CNOT1: variants seen among roughly 807,000 people sequenced by gnomAD.
CNOT1 encodes CCR4-associated factor 1.
Under a neutral mutation model 273.8 loss-of-function variants are expected in CNOT1, and 15 were observed. That is an observed-to-expected ratio of 0.05 (90% CI 0.04 to 0.08). The LOEUF (loss-of-function observed/expected upper bound fraction) is 0.08, where lower values mean the gene tolerates loss of function less well. Ranked by LOEUF, CNOT1 falls within the 10% of genes least tolerant of loss-of-function variation. The pLI is 1.00. For synonymous variants in CNOT1, 1,022 were observed against 1,005.5 expected (o/e 1.02, Z -0.31); for missense variants, 1,644 against 2,912.2 (o/e 0.56, Z 10.02).
At position 58,520,070 on chromosome 16, in the gene CNOT1, T is replaced by G. The variant is rs2039311592; in HGVS notation, c.*888A>C. ...AGGGACCAATACATTTGCAAAACAT[T>G]CAAAATCCTTATAAAAGGGGCTGTA... On this transcript the variant is annotated 3_prime_UTR_variant, in exon 49 of 49. Transcript: ENST00000317147. 1 of 152,202 alleles carries G rather than the reference T, an allele frequency of 6.6e-6. No individual in the cohort carries two copies. Among genetic ancestry groups the G allele is most frequent in the South Asian group, 2.1e-4 (1 of 4,828 alleles). The allele number at this position is 152,202 out of a possible 1,614,324, so 9.4% of individuals were successfully genotyped here.
chr16:58,560,500 T>A, intron 16 of CNOT1, 138 bp from the exon 17 acceptor site: 1 of 1,403,082 alleles, frequency 7.1e-7, no homozygotes, highest in Admixed American at 2.9e-5. Flanking sequence ...TAGCACGATA[T>A]CAATTCACTG....
At chr16:58,624,658 C>T (rs1180948285) in intron 1 of CNOT1, 4 of 151,964 alleles carry the variant, frequency 2.6e-5, no homozygotes, top group Non-Finnish European at 5.9e-5. Flanking sequence ...ATTACCCAGC[C>T]GTGGTGGCAC....
At chr16:58,622,088 G>C (rs1444034459) in intron 1 of CNOT1, among the ~76,000 whole-genome samples, 2 of 142,252 alleles carry the variant, frequency 1.4e-5, no homozygotes, top group African/African-American at 2.6e-5. Flanking sequence ...CGAGGCGGGT[G>C]GATCACGAGG....
chr16:58,531,614 C>CA (rs891875577), intron 42 of CNOT1, among the ~76,000 whole-genome samples: 1 of 151,748 alleles, frequency 6.6e-6, no homozygotes, highest in Non-Finnish European at 1.5e-5. Context: ...CCCCTACCCC[C>CA]AAAAAAACCC....
At chr16:58,593,141 G>A (rs1017259552) in intron 2 of CNOT1, among the ~76,000 whole-genome samples, 3 of 152,124 alleles carry the variant, frequency 2.0e-5, no homozygotes, top group Non-Finnish European at 4.4e-5. Flanking sequence ...TACATATTTC[G>A]GCCAGGCGCG....
intron 16 of CNOT1, among the ~76,000 whole-genome samples, chr16:58,568,825 G>A (rs775378905): frequency 7.2e-5 from 11 of 152,128 alleles, no homozygotes; most frequent in Non-Finnish European, 1.6e-4. Context: ...GGCTAACCAA[G>A]CAGGAACTTC....
chr16:58,546,361 A>T lies in CNOT1; in HGVS notation c.3966T>A (p.Asp1322Glu). Reference protein sequence around the residue: ...LDEQLSAPKKDVKQPEELPPI... With the variant: ...LDEQLSAPKKEVKQPEELPPI... ...GAGGGAGTTCTTCTGGCTGCTTGAC[A>T]TCTTTCTTTGGAGCAGAGAGTTGCT... The change falls in exon 29 of 49, where the codon GAT becomes GAA. Residue 1322 changes from aspartate (D) to glutamate (E), a missense_variant. Asp to Glu is a conservative substitution (Grantham distance 45). Around this residue, in one of 13 missense-constraint regions of CNOT1, gnomAD observed 52 missense variants for 50.2 expected, o/e 1.04. Coordinates refer to ENST00000317147, the MANE Select transcript of CNOT1 (RefSeq NM_016284.5). The T allele has an allele frequency of 6.2e-7, 1 of 1,613,946 alleles. No individual in the cohort carries two copies. The highest frequency in any genetic ancestry group is 8.5e-7 in the Non-Finnish European group (1 of 1,179,918).
At chr16:58,535,293 G>A (rs1260778626) in intron 39 of CNOT1, among the ~76,000 whole-genome samples, 1 of 152,238 alleles carries the variant, frequency 6.6e-6, no homozygotes, top group African/African-American at 2.4e-5. Context: ...ACTGTACCCT[G>A]CTGGGACAGA....
intron 8 of CNOT1, among the ~76,000 whole-genome samples, chr16:58,584,621 C>T (rs1597511094): frequency 6.6e-6 from 1 of 151,920 alleles, no homozygotes; most frequent in Admixed American, 6.6e-5. Flanking sequence ...TATGAGCCAC[C>T]GTGCCCAGCC....
chr16:58,625,384 C>T (rs1170149684), intron 1 of CNOT1, among the ~76,000 whole-genome samples: 3 of 152,166 alleles, frequency 2.0e-5, no homozygotes, highest in Non-Finnish European at 4.4e-5. Context: ...TGGCGGCGTG[C>T]GCCTGTAATC....
intron 16 of CNOT1, among the ~76,000 whole-genome samples, chr16:58,561,139 C>T (rs1266555975): frequency 1.3e-5 from 2 of 152,270 alleles, no homozygotes; most frequent in Admixed American, 6.5e-5. Context: ...GAGCTATAAT[C>T]GCACCACAGC....
intron 40 of CNOT1, 121 bp downstream of exon 40, chr16:58,534,026 C>T: frequency 8.7e-7 from 1 of 1,153,412 alleles, no homozygotes; most frequent in Non-Finnish European, 1.1e-6. Flanking sequence ...GGAGGCACTC[C>T]AGCCTGGGTG....
At chr16:58,601,714 C>T (rs117764886) in intron 1 of CNOT1, among the ~76,000 whole-genome samples, 2,493 of 135,402 alleles carry the variant, frequency 0.018, 54 homozygotes, top group Middle Eastern at 0.052. Context: ...TCTACATATG[C>T]TAGTGCTCCA....
Position 58,539,753 on chromosome 16 carries a change from A to G in CNOT1, c.4992+15T>C, listed in dbSNP as rs1417266421. On this transcript the variant is annotated intron_variant, in intron 35 of 48. Coordinates refer to ENST00000317147, the MANE Select transcript of CNOT1 (RefSeq NM_016284.5). Reference sequence around the variant, plus strand: ...ACACCTAGCATTTTCTAAAAGTAATAGCTTAAGAACCAACCTTTTGGAGCA... The same window carrying G: ...ACACCTAGCATTTTCTAAAAGTAATGGCTTAAGAACCAACCTTTTGGAGCA... 6.3e-7 allele frequency: 1 copy of G among 1,592,242 alleles called. No homozygotes were observed. The highest frequency in any genetic ancestry group is 1.8e-5 in the Admixed American group (1 of 55,868).
intron 47 of CNOT1, chr16:58,522,845 C>G (rs2039451513): frequency 6.6e-6 from 1 of 152,192 alleles, no homozygotes; most frequent in Non-Finnish European, 1.5e-5. Context: ...TTTATAATTC[C>G]CTATCTTGTG....
intron 1 of CNOT1, among the ~76,000 whole-genome samples, chr16:58,619,389 A>G (rs1035442147): frequency 1.3e-5 from 2 of 151,656 alleles, no homozygotes; most frequent in African/African-American, 4.9e-5. Flanking sequence ...CATTAATTGT[A>G]AAAGAGCATC....
At chr16:58,597,536 C>T (rs144536349) in intron 2 of CNOT1, 1 of 260,350 alleles carries the variant, frequency 3.8e-6, no homozygotes, top group Non-Finnish European at 7.5e-6. Context: ...CTCCTCAACA[C>T]AAAAAAAAGT....
rs753924976 is a variant in CNOT1, at chr16:58,551,655, A to G, written c.3135T>C (p.Thr1045=). 3.1e-6 allele frequency: 5 copies of G among 1,614,202 alleles called. No homozygotes were observed. Among genetic ancestry groups the G allele is most frequent in the Middle Eastern group, 1.7e-4 (1 of 6,060 alleles). Reference sequence around the variant, plus strand: ...CCGTAACCGTTTTAGCAACAGTGGTAGTTGTTGAGGTGGTTACCATAGTGC... The same window carrying G: ...CCGTAACCGTTTTAGCAACAGTGGTGGTTGTTGAGGTGGTTACCATAGTGC... ...QVSTMVTTST[T]TTVAKTVTVT... Residue 1045 remains threonine (T), a synonymous_variant, in exon 23 of 49, where the codon ACT becomes ACC. Transcript: ENST00000317147.
At chr16:58,531,734 T>C (rs2039784460) in intron 42 of CNOT1, among the ~76,000 whole-genome samples, 1 of 151,736 alleles carries the variant, frequency 6.6e-6, no homozygotes, top group Admixed American at 6.6e-5. Flanking sequence ...CTGACACAGG[T>C]GGCCCACAAC....
Sources: allele counts gnomAD v4.1 joint callset (sites outside exome capture counted in the v4.1 genomes callset), GRCh38; gene constraint gnomAD v4.1.1; regional missense constraint gnomAD v4.1.1; transcripts MANE v1.5; gene names NCBI Gene and HGNC (gene_info 2026-07-23, HGNC 2026-07-21).